The following HSPBP1 variants were observed in gnomAD, a reference collection of about 807,000 sequenced individuals.
HSPBP1 encodes HSPA (Hsp70) binding protein 1.
HSPBP1 carries 31 observed loss-of-function variants against 41.7 expected under a neutral mutation model. The ratio of observed to expected loss-of-function variants is 0.74; its 90% CI spans 0.56 to 1.00. The LOEUF is 1.00. Ranked by LOEUF, HSPBP1 falls within the 50% of genes least tolerant of loss-of-function variation. The probability of loss-of-function intolerance (pLI) is 0.00; values close to 1 mark genes in which losing one functional copy is unlikely to be tolerated. For missense variants in HSPBP1, 439 were observed against 487.9 expected (o/e 0.90, Z 0.94); for synonymous variants, 199 against 214.4 (o/e 0.93, Z 0.63).
chr19:55,262,459 C>T lies in HSPBP1; in HGVS notation c.*149G>A. The T allele has an allele frequency of 7.0e-6, 10 of 1,433,748 alleles. No homozygotes were observed. In the South Asian group the frequency reaches 1.1e-4, roughly 15 times the overall value. 88.8% of individuals were successfully genotyped at this position (1,433,748 alleles called of 1,614,324 possible). A position where few individuals can be genotyped will look rare whatever the true frequency, so the allele number is the denominator to read the frequency against. ...AAGGAGCTGGTGCCTTTCTCAGCGC[C>T]CCTTCCAGGGACTGCACAGAGACGG... On this transcript the variant is annotated 3_prime_UTR_variant, in exon 8 of 8. Transcript: ENST00000433386.
At position 55,272,313 on chromosome 19, in the gene HSPBP1, G is replaced by A. The variant is rs1248036742; in HGVS notation, c.640+2085C>T. On this transcript the variant is annotated intron_variant, in intron 4 of 7. Transcript: ENST00000433386. This position sits in a 1 kb window ranked among gnomAD's most constrained non-coding sequence, Gnocchi z 4.2. ...CCCACGCAACAGGACACATTCAGCC[G>A]CGGGAAGGAACACAGCACTGCCACC... Among the ~76,000 whole-genome samples the A allele has an allele frequency of 3.9e-5, 6 of 152,106 alleles. No individual in the cohort carries two copies. Among genetic ancestry groups the A allele is most frequent in the African/African-American group, 1.2e-4 (5 of 41,420 alleles).
Position 55,265,872 on chromosome 19 carries a change from A to G in HSPBP1, c.893+14T>C, listed in dbSNP as rs762563795. ...CCCCACCCCAGGCCCCGTCCTCTCA[A>G]GGAGCCAAAGTACCTGCACAGGGCT... On this transcript the variant is annotated intron_variant, in intron 6 of 7. Transcript: ENST00000433386. 71 of 1,588,662 alleles carry G rather than the reference A, an allele frequency of 4.5e-5. No individual in the cohort carries two copies. The highest frequency in any genetic ancestry group is 6.7e-5 in the African/African-American group (5 of 74,622).
rs1302773342 is a variant in HSPBP1 at position 55,272,275 on chromosome 19, A to G, written c.640+2123T>C. ...TCAGCAGACAGGCGGAGGAAGAGGC[A>G]GGGCACGGTGGACCCACGCAACAGG... is the stretch of plus-strand genomic sequence containing the variant. On this transcript the variant is annotated intron_variant, in intron 4 of 7. Coordinates refer to ENST00000433386, the MANE Select transcript of HSPBP1 (RefSeq NM_012267.5). The surrounding 1 kb of genome is among the most constrained non-coding windows in gnomAD (Gnocchi z 4.2). Among the ~76,000 whole-genome samples, 1 of 152,148 alleles carries G rather than the reference A, an allele frequency of 6.6e-6. No homozygotes were observed. Among genetic ancestry groups the G allele is most frequent in the Non-Finnish European group, 1.5e-5 (1 of 68,030 alleles).
intron 4 of HSPBP1, among the ~76,000 whole-genome samples, chr19:55,267,951 T>C (rs1370061884): frequency 6.6e-6 from 1 of 152,154 alleles, no homozygotes; most frequent in Non-Finnish European, 1.5e-5. Context: ...TCCAGTAAGG[T>C]GCCCCCTCCT....
chr19:55,262,882 G>A (rs2087683413), intron 7 of HSPBP1, among the ~76,000 whole-genome samples, 200 bp from the exon 8 acceptor site: 1 of 152,100 alleles, frequency 6.6e-6, no homozygotes, highest in Non-Finnish European at 1.5e-5. Context: ...ACTTGAACTA[G>A]AACCCGGGGT....
At chr19:55,266,403 C>G in intron 4 of HSPBP1, 117 bp from the exon 5 acceptor site, 1 of 1,115,788 alleles carries the variant, frequency 9.0e-7, no homozygotes, top group Non-Finnish European at 1.3e-6. Context: ...ACCACCATCA[C>G]CACTATCTTC....
chr19:55,277,228 C>G (rs556076097), intron 3 of HSPBP1, among the ~76,000 whole-genome samples: 43 of 152,352 alleles, frequency 2.8e-4, no homozygotes, highest in African/African-American at 1.0e-3. Context: ...ACCAGGCACA[C>G]TCTGGCCTCA....
chr19:55,277,611 G>A, intron 3 of HSPBP1, 31 bp downstream of exon 3: 2 of 1,584,112 alleles, frequency 1.3e-6, no homozygotes, highest in Non-Finnish European at 1.7e-6. Context: ...GTACAGAGGG[G>A]CAGAACGTCC....
At position 55,262,451 on chromosome 19, in the gene HSPBP1, C is replaced by T; in HGVS notation, c.*157G>A. On this transcript the variant is annotated 3_prime_UTR_variant, in exon 8 of 8. Coordinates refer to ENST00000433386, the MANE Select transcript of HSPBP1 (RefSeq NM_012267.5). ...TGGGGTCCAAGGAGCTGGTGCCTTT[C>T]TCAGCGCCCCTTCCAGGGACTGCAC... 2 of 1,429,696 alleles carry T rather than the reference C, an allele frequency of 1.4e-6. No homozygotes were observed. Among genetic ancestry groups the T allele is most frequent in the Non-Finnish European group, 1.8e-6 (2 of 1,092,486 alleles). The allele number at this position is 1,429,696 out of a possible 1,614,324, so 88.6% of individuals were successfully genotyped here.
At chr19:55,271,572 C>A (rs1046372821) in intron 4 of HSPBP1, among the ~76,000 whole-genome samples, 1 of 152,160 alleles carries the variant, frequency 6.6e-6, no homozygotes, top group Non-Finnish European at 1.5e-5. Flanking sequence ...ATGCTTCCTT[C>A]TTCCGGAATC....
Position 55,270,453 on chromosome 19 carries a change from A to ACAACCTCATG in HSPBP1, c.640+3935_640+3944dup, listed in dbSNP as rs970279346. On this transcript the variant is annotated intron_variant, in intron 4 of 7. Coordinates refer to ENST00000433386, the MANE Select transcript of HSPBP1 (RefSeq NM_012267.5). The surrounding 1 kb of genome is among the most constrained non-coding windows in gnomAD (Gnocchi z 5.4). Reference sequence around the variant, plus strand: ...AACGAGGCCCGGCTGACGGCTGACCACAACCTCATGCAACCTCATGCAACC... The same window carrying ACAACCTCATG: ...AACGAGGCCCGGCTGACGGCTGACCACAACCTCATGCAACCTCATGCAACCTCATGCAACC... Among the ~76,000 whole-genome samples, 27 of 152,018 alleles carry ACAACCTCATG rather than the reference A, an allele frequency of 1.8e-4. No homozygotes were observed. Among genetic ancestry groups the ACAACCTCATG allele is most frequent in the African/African-American group, 5.8e-4 (24 of 41,426 alleles).
At chr19:55,275,988 G>A (rs1190522027) in intron 3 of HSPBP1, among the ~76,000 whole-genome samples, 1 of 149,374 alleles carries the variant, frequency 6.7e-6, no homozygotes, top group African/African-American at 2.5e-5. Context: ...CTGATGACAT[G>A]CACCTGTAAT....
intron 4 of HSPBP1, among the ~76,000 whole-genome samples, chr19:55,269,488 C>T (rs1461964718): frequency 6.6e-6 from 1 of 152,106 alleles, no homozygotes; most frequent in Non-Finnish European, 1.5e-5. Flanking sequence ...GGAAAGAAAG[C>T]CAAAGTCATC....
At position 55,277,681 on chromosome 19, in the gene HSPBP1, G is replaced by A. The variant is rs763956725; in HGVS notation, c.376C>T (p.Leu126=). ...ATGTTCTCACACAGGTCGGCCAGCAGCTCCAGGGCCCCCTCTCGCTCTTGC... is the reference window on the plus strand; with the variant it reads ...ATGTTCTCACACAGGTCGGCCAGCAACTCCAGGGCCCCCTCTCGCTCTTGC... ...DQQEREGALE[L]LADLCENMDN... Residue 126 remains leucine, a synonymous_variant, in exon 3 of 8, where the codon CTG becomes TTG. Coordinates refer to ENST00000433386, the MANE Select transcript of HSPBP1 (RefSeq NM_012267.5). 6.8e-5 allele frequency: 109 copies of A among 1,606,338 alleles called. 1 individual carries two copies. In the Admixed American group the frequency reaches 1.8e-3, roughly 27 times the overall value.
At chr19:55,266,358 ACAT>A (rs1300484105) in intron 4 of HSPBP1, 72 bp from the exon 5 acceptor site, 3 of 1,399,194 alleles carry the variant, frequency 2.1e-6, no homozygotes, top group Non-Finnish European at 2.9e-6. Flanking sequence ...ACCATCACCA[ACAT>A]CATCACAACC....
intron 7 of HSPBP1, among the ~76,000 whole-genome samples, chr19:55,263,349 T>G (rs1211438315): frequency 6.6e-6 from 1 of 152,180 alleles, no homozygotes; most frequent in African/African-American, 2.4e-5. Flanking sequence ...CTGACCAAGA[T>G]TTGGGGAGTT....
chr19:55,271,997 G>A (rs1465129203), intron 4 of HSPBP1, among the ~76,000 whole-genome samples: 2 of 152,146 alleles, frequency 1.3e-5, no homozygotes, highest in East Asian at 1.9e-4. Flanking sequence ...GGGAGGTGGA[G>A]GTTGCAGTGA....
chr19:55,265,258 C>G lies in HSPBP1; in HGVS notation c.1005+20G>C, dbSNP rs769980779. On this transcript the variant is annotated intron_variant, in intron 7 of 7. Coordinates refer to ENST00000433386, the MANE Select transcript of HSPBP1 (RefSeq NM_012267.5). The stretch of plus-strand genomic sequence containing the variant: ...CCCTTGCACCTGGTCCTCCTTGCAC[C>G]CCGTCCCCTCCCCATGTACCTGGTA... 2.5e-6 allele frequency: 4 copies of G among 1,572,046 alleles called. No individual in the cohort carries two copies. The Admixed American group carries it at 6.7e-5, about 26-fold the overall frequency.
chr19:55,274,038 G>A lies in HSPBP1; in HGVS notation c.640+360C>T, dbSNP rs1171031062. On this transcript the variant is annotated intron_variant, in intron 4 of 7. Coordinates refer to ENST00000433386, the MANE Select transcript of HSPBP1 (RefSeq NM_012267.5). ...GGGTGATAGTGTCTCTCCATGGCCT[G>A]GAGGCCACCCACCAGATGCTGCTCA... 4.6e-5 allele frequency among the ~76,000 whole-genome samples: 7 copies of A among 152,284 alleles called. No homozygotes were observed. In the East Asian group the frequency reaches 1.4e-3, roughly 29 times the overall value.
Sources: gnomAD v4.1 joint callset for allele counts (sites outside exome capture counted in the v4.1 genomes callset) on GRCh38, gnomAD v4.1.1 for gene constraint, Gnocchi (gnomAD v3.1) non-coding constraint, MANE v1.5 for transcripts, NCBI Gene and HGNC (gene_info 2026-07-23, HGNC 2026-07-21) for gene names.